ZBBX: variants seen among roughly 807,000 people sequenced by gnomAD.
ZBBX encodes zinc finger B-box domain-containing protein 1.
Under a neutral mutation model 108.5 loss-of-function variants are expected in ZBBX, and 101 were observed. The observed-to-expected ratio is 0.93, with a 90% confidence interval of 0.79 to 1.10. The LOEUF (loss-of-function observed/expected upper bound fraction) is 1.10, where lower values mean the gene tolerates loss of function less well. Ranked by LOEUF, ZBBX falls within the 50% of genes least tolerant of loss-of-function variation. The pLI, the probability that ZBBX is intolerant of heterozygous loss-of-function variation, is 0.00. For missense variants in ZBBX, 1,009 were observed against 941.4 expected, an observed-to-expected ratio of 1.07 and a Z score of -0.94; for synonymous variants, 356 against 323.4, an observed-to-expected ratio of 1.10 and a Z score of -1.08.
At chr3:167,397,500 T>G (rs959176532) in intron 1 of ZBBX, among the ~76,000 whole-genome samples, 1 of 152,022 alleles carries the variant, frequency 6.6e-6, no homozygotes, top group African/African-American at 2.4e-5. Flanking sequence ...CTTCGAAAGA[T>G]TGCCTGGTCT....
At position 167,364,900 on chromosome 3, in the gene ZBBX, T is replaced by A. The variant is rs184729164; in HGVS notation, c.273+986A>T. Among the ~76,000 whole-genome samples the A allele has an allele frequency of 1.8e-3, 269 of 152,008 alleles. 2 individuals carry two copies. The highest frequency in any genetic ancestry group is 6.2e-3 in the African/African-American group (259 of 41,520). On this transcript the variant is annotated intron_variant, in intron 6 of 21. Transcript: ENST00000675490. ...GTCCTTTCTTTATGCTGTCTCTTAGTCAATCCAGCCTGTAATATCAATTAT... is the reference window on the plus strand; with the variant it reads ...GTCCTTTCTTTATGCTGTCTCTTAGACAATCCAGCCTGTAATATCAATTAT...
At chr3:167,340,773 T>C (rs1047950406) in intron 9 of ZBBX, among the ~76,000 whole-genome samples, 5 of 151,776 alleles carry the variant, frequency 3.3e-5, no homozygotes, top group South Asian at 2.1e-4. Context: ...GGGAAGAAAT[T>C]TGTATATAGA....
intron 1 of ZBBX, among the ~76,000 whole-genome samples, chr3:167,403,924 T>A (rs76698353): frequency 6.6e-6 from 1 of 151,856 alleles, no homozygotes; most frequent in Non-Finnish European, 1.5e-5. Context: ...AAATTAAAAA[T>A]ATAAATAAGA....
intron 12 of ZBBX, among the ~76,000 whole-genome samples, chr3:167,319,644 A>G (rs181614939): frequency 1.1e-3 from 173 of 152,126 alleles, no homozygotes; most frequent in Admixed American, 3.2e-3. Flanking sequence ...CTACAGATAA[A>G]AGCATGACAC....
At chr3:167,218,280 A>C in the ZBBX span, among the ~76,000 whole-genome samples, 1 of 152,174 alleles carries the variant, frequency 6.6e-6, no homozygotes, top group South Asian at 2.1e-4. Context: ...AAATCATCTG[A>C]AAGTGAAAAC....
At chr3:167,404,038 C>T (rs1172224452) in intron 1 of ZBBX, among the ~76,000 whole-genome samples, 1 of 152,038 alleles carries the variant, frequency 6.6e-6, no homozygotes, top group Non-Finnish European at 1.5e-5. Flanking sequence ...AGTCAGCATA[C>T]TAACAGTATA....
intron 9 of ZBBX, among the ~76,000 whole-genome samples, chr3:167,338,989 T>A (rs1740074606): frequency 6.6e-6 from 1 of 152,152 alleles, no homozygotes. Flanking sequence ...GCCTGGCTTT[T>A]GAGAAAACAC....
intron 16 of ZBBX, among the ~76,000 whole-genome samples, chr3:167,310,600 T>G (rs1389806991): frequency 6.6e-6 from 1 of 152,016 alleles, no homozygotes; most frequent in East Asian, 1.9e-4. Flanking sequence ...GGGCTGGGGA[T>G]CTGCCACACA....
the ZBBX span, among the ~76,000 whole-genome samples, chr3:167,197,064 T>C: frequency 6.6e-6 from 1 of 152,182 alleles, no homozygotes; most frequent in Non-Finnish European, 1.5e-5. Flanking sequence ...ACTGCTGATA[T>C]ATGGAAATGA....
intron 1 of ZBBX, among the ~76,000 whole-genome samples, chr3:167,401,728 C>G (rs537067674): frequency 2.6e-5 from 4 of 152,078 alleles, no homozygotes; most frequent in Non-Finnish European, 4.4e-5. Context: ...TCAGCAAGGT[C>G]TTTATGACCT....
intron 16 of ZBBX, among the ~76,000 whole-genome samples, chr3:167,307,591 G>A (rs1733871305): frequency 6.6e-6 from 1 of 152,074 alleles, no homozygotes; most frequent in Admixed American, 6.6e-5. Context: ...TACCAAAATA[G>A]CATGGTACTG....
chr3:167,323,148 C>T (rs1224757328), intron 11 of ZBBX, among the ~76,000 whole-genome samples: 1 of 148,486 alleles, frequency 6.7e-6, no homozygotes, highest in Non-Finnish European at 1.5e-5. Flanking sequence ...GAGTTAAGGA[C>T]ATGAGCAAGT....
intron 20 of ZBBX, among the ~76,000 whole-genome samples, chr3:167,278,736 C>T (rs1473992618): frequency 1.3e-5 from 2 of 150,896 alleles, no homozygotes; most frequent in Non-Finnish European, 3.0e-5. Flanking sequence ...GGGAATCCTC[C>T]CTAACTCATT....
intron 10 of ZBBX, among the ~76,000 whole-genome samples, chr3:167,330,803 A>G (rs75798193): frequency 1.3e-3 from 200 of 148,712 alleles, no homozygotes; most frequent in African/African-American, 4.5e-3. Context: ...GAAGAAGAAG[A>G]AGAAGGAGGA....
At chr3:167,285,342 A>G (rs781102099) in intron 19 of ZBBX, among the ~76,000 whole-genome samples, 15 of 152,158 alleles carry the variant, frequency 9.9e-5, no homozygotes, top group Non-Finnish European at 2.1e-4. Flanking sequence ...TAGCGTTTTA[A>G]TAACAAATAA....
intron 17 of ZBBX, among the ~76,000 whole-genome samples, chr3:167,303,193 C>G (rs1235541895): frequency 6.6e-6 from 1 of 152,124 alleles, no homozygotes; most frequent in Non-Finnish European, 1.5e-5. Flanking sequence ...CTATGGTCCC[C>G]TTTTCCTTTA....
At chr3:167,224,258 G>A in the ZBBX span, among the ~76,000 whole-genome samples, 7 of 151,920 alleles carry the variant, frequency 4.6e-5, no homozygotes, top group Non-Finnish European at 8.8e-5. Context: ...TTACTTCCAT[G>A]TATTTTTTTA....
At chr3:167,288,683 G>T (rs748910488) in intron 19 of ZBBX, among the ~76,000 whole-genome samples, 184 bp downstream of exon 19, 6 of 152,118 alleles carry the variant, frequency 3.9e-5, no homozygotes, top group Non-Finnish European at 5.9e-5. Context: ...TTGGAAAAAT[G>T]AGCTCACTTG....
chr3:167,233,225 C>T, the ZBBX span, among the ~76,000 whole-genome samples: 1 of 151,822 alleles, frequency 6.6e-6, no homozygotes, highest in African/African-American at 2.4e-5. Flanking sequence ...GGCCTGGCAA[C>T]AATTGTTTGG....
Sources: allele counts gnomAD v4.1 joint callset (sites outside exome capture counted in the v4.1 genomes callset), GRCh38; gene constraint gnomAD v4.1.1; transcripts MANE v1.5; gene names NCBI Gene and HGNC (gene_info 2026-07-23, HGNC 2026-07-21).